The following DYRK1A variants were observed in gnomAD, a reference collection of about 807,000 sequenced individuals.
DYRK1A encodes the protein dual specificity tyrosine phosphorylation regulated kinase 1A, also known as dual specificity tyrosine-phosphorylation-regulated kinase 1A.
DYRK1A carries 9 observed loss-of-function variants against 79.7 expected under a neutral mutation model. The observed-to-expected ratio is 0.11, with a 90% CI of 0.07 to 0.20. The LOEUF (loss-of-function observed/expected upper bound fraction) is 0.20. Ranked by LOEUF, DYRK1A falls within the 10% of genes least tolerant of loss-of-function variation. The pLI, the probability that DYRK1A is intolerant of heterozygous loss-of-function variation, is 1.00. For missense variants in DYRK1A, 622 were observed against 956.0 expected, an observed-to-expected ratio of 0.65 and a Z score of 4.61; for synonymous variants, 349 against 329.7, an observed-to-expected ratio of 1.06 and a Z score of -0.63.
At chr21:37,447,287 A>G (rs571771915) in intron 2 of DYRK1A, among the ~76,000 whole-genome samples, 1 of 152,232 alleles carries the variant, frequency 6.6e-6, no homozygotes, top group African/African-American at 2.4e-5. Context: ...GAAAGTGACA[A>G]TGACACACCC....
chr21:37,433,622 T>C (rs2050839428), intron 2 of DYRK1A, among the ~76,000 whole-genome samples: 1 of 152,238 alleles, frequency 6.6e-6, no homozygotes, highest in South Asian at 2.1e-4. Context: ...AGGGCTGAGA[T>C]TGAGTCTTTC....
chr21:37,479,047 C>T (rs1338148352), intron 4 of DYRK1A, among the ~76,000 whole-genome samples: 1 of 152,194 alleles, frequency 6.6e-6, no homozygotes, highest in East Asian at 1.9e-4. Context: ...GCTTTCTTTC[C>T]TCTTCTAGTG....
At chr21:37,449,335 G>A (rs536796086) in intron 2 of DYRK1A, among the ~76,000 whole-genome samples, 1 of 152,308 alleles carries the variant, frequency 6.6e-6, no homozygotes, top group South Asian at 2.1e-4. Flanking sequence ...TCCAATGACT[G>A]TTAGTACAAT....
chr21:37,383,899 A>G (rs1445760875), intron 1 of DYRK1A, among the ~76,000 whole-genome samples: 1 of 152,066 alleles, frequency 6.6e-6, no homozygotes, highest in Non-Finnish European at 1.5e-5. Flanking sequence ...CTTCAGTGTC[A>G]GGAATCATGG....
In DYRK1A at chr21:37,460,104, A is replaced by G. The variant is rs2051788933; in HGVS notation, c.11-12580A>G. The stretch of plus-strand genomic sequence containing the variant: ...TGTTAGATTTGTTGCTTTCTTTAGC[A>G]TGGATTTTTTTTTTTTGGTAAAGTG... On this transcript the variant is annotated intron_variant, in intron 2 of 11. Coordinates refer to ENST00000647188, the MANE Select transcript of DYRK1A (RefSeq NM_001347721.2). Among the ~76,000 whole-genome samples the G allele has an allele frequency of 3.3e-5, 5 of 149,396 alleles. No individual in the cohort carries two copies. The South Asian group carries it at 6.2e-4, about 19-fold the overall frequency.
At chr21:37,381,091 T>C (rs936731519) in intron 1 of DYRK1A, among the ~76,000 whole-genome samples, 1 of 152,240 alleles carries the variant, frequency 6.6e-6, no homozygotes, top group Non-Finnish European at 1.5e-5. Context: ...TGCTCTCTCT[T>C]GCAATCTCAG....
chr21:37,421,265 A>T (rs2050467310), intron 2 of DYRK1A, among the ~76,000 whole-genome samples: 1 of 152,110 alleles, frequency 6.6e-6, no homozygotes, highest in Non-Finnish European at 1.5e-5. Context: ...ATTGATACCT[A>T]ACAGATGCCT....
intron 2 of DYRK1A, among the ~76,000 whole-genome samples, chr21:37,466,952 G>T (rs2052046461): frequency 1.3e-5 from 2 of 152,016 alleles, no homozygotes; most frequent in African/African-American, 4.8e-5. Flanking sequence ...AAAACTTGAT[G>T]TCAGTCCATT....
In DYRK1A at chr21:37,521,684, G is replaced by T. The variant is rs1173188148; in HGVS notation, c.*9153G>T. 6.6e-6 allele frequency: 1 copy of T among 152,236 alleles called. No homozygotes were observed. The highest frequency in any genetic ancestry group is 1.9e-4 in the East Asian group (1 of 5,200). 9.4% of individuals were successfully genotyped at this position (152,236 alleles called of 1,614,324 possible). ...TAGCTGATACCTAATGGAGGAATGGGTGTTATCCTGGTGGGAATGCCCTAG... is the reference window on the plus strand; with the variant it reads ...TAGCTGATACCTAATGGAGGAATGGTTGTTATCCTGGTGGGAATGCCCTAG... On this transcript the variant is annotated 3_prime_UTR_variant, in exon 12 of 12. Transcript: ENST00000647188.
intron 1 of DYRK1A, among the ~76,000 whole-genome samples, chr21:37,416,832 T>G (rs2050351396): frequency 6.6e-6 from 1 of 152,162 alleles, no homozygotes; most frequent in South Asian, 2.1e-4. Flanking sequence ...ATGGGCTAAA[T>G]TTTGTAAATT....
At chr21:37,368,683 A>G (rs1349086697) in intron 1 of DYRK1A, among the ~76,000 whole-genome samples, 1 of 152,080 alleles carries the variant, frequency 6.6e-6, no homozygotes, top group Non-Finnish European at 1.5e-5. Context: ...CATTTTATAG[A>G]TGAGGAGAGT....
intron 9 of DYRK1A, among the ~76,000 whole-genome samples, chr21:37,497,909 C>T (rs1412648703): frequency 6.6e-6 from 1 of 152,114 alleles, no homozygotes; most frequent in Non-Finnish European, 1.5e-5. Context: ...TAGCAATTGA[C>T]TTAAGCAACT....
chr21:37,505,292 C>T lies in DYRK1A; in HGVS notation c.1222C>T (p.Pro408Ser). ...ATCTTCTCTCTTACAGGAGTACAAA[C>T]CACCAGGAACCCGTAAACTTCATAA... ...KTKDGKREYKPPGTRKLHNIL... is the reference protein window; with the variant it reads ...KTKDGKREYKSPGTRKLHNIL... Residue 408 changes from proline to serine, a missense_variant, in exon 10 of 12, where the codon CCA becomes TCA. This residue lies in a region of DYRK1A where 80 missense variants were observed against 116.5 expected (regional missense o/e 0.69). Transcript: ENST00000647188. The T allele has an allele frequency of 6.2e-7, 1 of 1,609,244 alleles. No individual in the cohort carries two copies. Among genetic ancestry groups the T allele is most frequent in the Non-Finnish European group, 8.5e-7 (1 of 1,176,240 alleles).
Position 37,514,537 on chromosome 21 carries a change from C to A in DYRK1A, c.*2006C>A, listed in dbSNP as rs1044993142. The A allele has an allele frequency of 6.6e-6, 1 of 152,450 alleles. No homozygotes were observed. Among genetic ancestry groups the A allele is most frequent in the African/African-American group, 2.4e-5 (1 of 41,374 alleles). 9.4% of individuals were successfully genotyped at this position (152,450 alleles called of 1,614,324 possible). The stretch of plus-strand genomic sequence containing the variant: ...TGACTAGGTCAATTTTTTTTCTGAA[C>A]AAAAGCAGGTTTTTATATGTAAACA... On this transcript the variant is annotated 3_prime_UTR_variant, in exon 12 of 12. Transcript: ENST00000647188.
At chr21:37,457,280 T>C (rs2051683422) in intron 2 of DYRK1A, among the ~76,000 whole-genome samples, 1 of 152,158 alleles carries the variant, frequency 6.6e-6, no homozygotes, top group African/African-American at 2.4e-5. Context: ...TTGCCCAGAC[T>C]GGAGTGCAGG....
chr21:37,390,220 C>T (rs959911132), intron 1 of DYRK1A, among the ~76,000 whole-genome samples: 3 of 152,108 alleles, frequency 2.0e-5, no homozygotes, highest in Admixed American at 6.5e-5. Flanking sequence ...GGATAGTTGC[C>T]ATCCTGGATG....
chr21:37,447,725 C>T (rs1349043625), intron 2 of DYRK1A, among the ~76,000 whole-genome samples: 3 of 152,082 alleles, frequency 2.0e-5, no homozygotes, highest in Non-Finnish European at 1.5e-5. Context: ...CTTGAGTTGG[C>T]GAGCTGATGG....
chr21:37,442,875 C>T (rs867988933), intron 2 of DYRK1A, among the ~76,000 whole-genome samples: 100 of 152,212 alleles, frequency 6.6e-4, no homozygotes, highest in Admixed American at 3.4e-3. Flanking sequence ...CACTCTGTCA[C>T]CCAGCCTGGA....
chr21:37,496,204 T>C lies in DYRK1A; in HGVS notation c.1158T>C (p.Phe386=). ...LDQAPKARKF[F]EKLPDGTWNL... is the part of the protein sequence containing the mutation. ...AAGCACCAAAAGCAAGAAAGTTCTT[T>C]GAGAAGTTGCCAGATGGCACTTGGA... Residue 386 remains phenylalanine (F), a synonymous_variant, in exon 9 of 12, where the codon TTT becomes TTC. Transcript: ENST00000647188. 6.2e-7 allele frequency: 1 copy of C among 1,614,110 alleles called. No individual in the cohort carries two copies. The highest frequency in any genetic ancestry group is 8.5e-7 in the Non-Finnish European group (1 of 1,179,992).
Sources: gnomAD v4.1 joint callset for allele counts (sites outside exome capture counted in the v4.1 genomes callset) on GRCh38, gnomAD v4.1.1 for gene constraint, gnomAD v4.1.1 regional missense constraint, MANE v1.5 for transcripts, NCBI Gene and HGNC (gene_info 2026-07-23, HGNC 2026-07-21) for gene names.